Variants in EVL observed in about 807,000 individuals in gnomAD.
The protein encoded by EVL is ena/VASP-like protein.
A neutral mutation model predicts 59.6 loss-of-function variants in EVL; 21 were observed. That is an observed-to-expected ratio of 0.35 (90% CI 0.25 to 0.51). The LOEUF (loss-of-function observed/expected upper bound fraction) is 0.51. Among genes scored for constraint, EVL ranks in the 20% least tolerant of loss-of-function variants. The pLI is 0.97. For synonymous variants in EVL, 198 were observed against 203.5 expected (o/e 0.97, Z 0.23); for missense variants, 462 against 546.6 (o/e 0.85, Z 1.54).
chr14:99,976,612 A>G (rs1453779836), intron 1 of EVL, among the ~76,000 whole-genome samples: 1 of 152,102 alleles, frequency 6.6e-6, no homozygotes, highest in Non-Finnish European at 1.5e-5. Flanking sequence ...GCCTAAGATG[A>G]TGCTTTTTTC....
intron 1 of EVL, among the ~76,000 whole-genome samples, chr14:100,025,805 G>A (rs113454411): frequency 2.4e-4 from 36 of 152,178 alleles, no homozygotes; most frequent in African/African-American, 8.7e-4. Flanking sequence ...GCATAGTGGC[G>A]CATGCCTGTA....
intron 1 of EVL, among the ~76,000 whole-genome samples, chr14:100,035,264 A>C (rs2061371091): frequency 6.7e-6 from 1 of 148,692 alleles, no homozygotes. Context: ...AAGGCAGTTT[A>C]TTATGTGTTT....
intron 2 of EVL, among the ~76,000 whole-genome samples, chr14:100,096,150 G>A (rs1320887335): frequency 6.6e-6 from 1 of 152,188 alleles, no homozygotes; most frequent in African/African-American, 2.4e-5. Flanking sequence ...AGCTTTTCTG[G>A]ATGTCACTCA....
At chr14:100,068,694 G>A (rs1354198701) in intron 1 of EVL, among the ~76,000 whole-genome samples, 2 of 152,210 alleles carry the variant, frequency 1.3e-5, no homozygotes, top group East Asian at 1.9e-4. Context: ...ACACATGGGC[G>A]TGGGGGAAAC....
intron 7 of EVL, among the ~76,000 whole-genome samples, chr14:100,131,897 G>A (rs968808581): frequency 6.6e-6 from 1 of 152,160 alleles, no homozygotes; most frequent in Non-Finnish European, 1.5e-5. Context: ...AAAGAAGGGG[G>A]CCCCTGCTGT....
At chr14:100,122,411 G>A (rs899996760) in intron 3 of EVL, among the ~76,000 whole-genome samples, 5 of 152,206 alleles carry the variant, frequency 3.3e-5, no homozygotes, top group Non-Finnish European at 7.3e-5. Flanking sequence ...GTGAGAATTA[G>A]AGTTAAATTT....
intron 3 of EVL, among the ~76,000 whole-genome samples, chr14:100,111,592 C>G (rs1595199360): frequency 6.6e-6 from 1 of 152,222 alleles, no homozygotes; most frequent in East Asian, 1.9e-4. Context: ...GTGCCCAATC[C>G]CTAGATACTG....
At chr14:100,059,281 G>T (rs2061782864) in intron 1 of EVL, among the ~76,000 whole-genome samples, 1 of 152,206 alleles carries the variant, frequency 6.6e-6, no homozygotes, top group African/African-American at 2.4e-5. Flanking sequence ...ACCATGAGAA[G>T]CCCCTGGCTT....
intron 3 of EVL, among the ~76,000 whole-genome samples, chr14:100,110,487 C>T (rs1886895851): frequency 6.6e-6 from 1 of 152,058 alleles, no homozygotes; most frequent in Non-Finnish European, 1.5e-5. Context: ...TCAGAGAACA[C>T]TTTCTGAGGG....
intron 1 of EVL, among the ~76,000 whole-genome samples, chr14:100,073,336 T>G (rs111435995): frequency 0.057 from 8,507 of 149,642 alleles, 315 homozygotes; most frequent in African/African-American, 0.11. Context: ...TTTTTTTTTT[T>G]GGGGAGACAG....
intron 11 of EVL, chr14:100,140,634 C>T (rs1266216941): frequency 6.6e-6 from 1 of 152,156 alleles, no homozygotes; most frequent in Non-Finnish European, 1.5e-5. Flanking sequence ...AAAAGCGACA[C>T]CACATGGGAG....
intron 1 of EVL, among the ~76,000 whole-genome samples, chr14:100,040,536 G>A (rs534026827): frequency 4.6e-5 from 7 of 152,290 alleles, no homozygotes; most frequent in Non-Finnish European, 8.8e-5. Context: ...GAGCCTGACT[G>A]CTAGTCAGCA....
intron 2 of EVL, among the ~76,000 whole-genome samples, chr14:100,095,166 C>T (rs1454724100): frequency 2.0e-5 from 3 of 152,202 alleles, no homozygotes; most frequent in African/African-American, 7.2e-5. Flanking sequence ...AGACAGTAGT[C>T]GTGAGACACT....
In EVL at chr14:100,121,151, G is replaced by A. The variant is rs541927718; in HGVS notation, c.359-2388G>A. Among the ~76,000 whole-genome samples, 16 of 152,308 alleles carry A rather than the reference G, an allele frequency of 1.1e-4. No homozygotes were observed. In the East Asian group the frequency reaches 1.2e-3, roughly 11 times the overall value. ...TGTGTAGTGCCTCACCACTAGACAC[G>A]AGGGAGTCTGATTACTAGCAGCCAG... is the stretch of plus-strand genomic sequence containing the variant. On this transcript the variant is annotated intron_variant, in intron 3 of 13. Transcript: ENST00000392920.
intron 3 of EVL, among the ~76,000 whole-genome samples, chr14:100,103,237 A>C (rs1246611867): frequency 6.6e-6 from 1 of 150,660 alleles, no homozygotes; most frequent in East Asian, 2.0e-4. Context: ...ACAAGAGCAC[A>C]CAGGGAGCTT....
intron 13 of EVL, 111 bp from the exon 14 acceptor site, chr14:100,143,590 T>TG (rs1889333794): frequency 7.5e-7 from 1 of 1,337,500 alleles, no homozygotes; most frequent in African/African-American, 1.4e-5. Flanking sequence ...TCCCAGGAGA[T>TG]GGAACAGGGA....
rs141089858 is a variant in EVL, at chr14:100,100,778, C to T, written c.358+3120C>T. 7.4e-3 allele frequency among the ~76,000 whole-genome samples: 791 copies of T among 107,616 alleles called. 5 individuals carry two copies. The highest frequency in any genetic ancestry group is 0.031 in the African/African-American group (740 of 24,100). The allele number at this position is 107,616 out of a possible 152,430, so 70.6% of individuals were successfully genotyped here. On this transcript the variant is annotated intron_variant, in intron 3 of 13. Transcript: ENST00000392920. ...CCAGCCTGTGTGACAGAGCAAGAGTCTGTCTCAAAAAAAAAAAAAAAAAAA... is the reference window on the plus strand; with the variant it reads ...CCAGCCTGTGTGACAGAGCAAGAGTTTGTCTCAAAAAAAAAAAAAAAAAAA...
chr14:99,977,986 A>T (rs1278504096), intron 1 of EVL: 1 of 151,606 alleles, frequency 6.6e-6, no homozygotes, highest in Non-Finnish European at 1.5e-5. Flanking sequence ...AATCCCAGCT[A>T]CTCAGGAGGC....
At chr14:100,040,825 G>A (rs1238645934) in intron 1 of EVL, among the ~76,000 whole-genome samples, 1 of 152,124 alleles carries the variant, frequency 6.6e-6, no homozygotes, top group Non-Finnish European at 1.5e-5. Context: ...TAATAAATGT[G>A]GGCATGGAAG....
Sources: gnomAD v4.1 joint callset for allele counts (sites outside exome capture counted in the v4.1 genomes callset) on GRCh38, gnomAD v4.1.1 for gene constraint, MANE v1.5 for transcripts, NCBI Gene and HGNC (gene_info 2026-07-23, HGNC 2026-07-21) for gene names.